The following TRIM37 variants were observed in gnomAD, a reference collection of about 807,000 sequenced individuals.
The protein encoded by TRIM37 is E3 ubiquitin-protein ligase TRIM37.
Under a neutral mutation model 129.8 loss-of-function variants are expected in TRIM37, and 80 were observed. The ratio of observed to expected loss-of-function variants is 0.62; its 90% CI spans 0.51 to 0.74. TRIM37 has a LOEUF of 0.74. Among genes scored for constraint, TRIM37 ranks in the 30% least tolerant of loss-of-function variants. The probability of loss-of-function intolerance (pLI) is 0.00; values close to 1 mark genes in which losing one functional copy is unlikely to be tolerated. For synonymous variants in TRIM37, 389 were observed against 387.1 expected (o/e 1.00, Z -0.06); for missense variants, 1,054 against 1,176.5 (o/e 0.90, Z 1.52).
At chr17:59,091,633 A>G (rs1169322078) in intron 2 of TRIM37, among the ~76,000 whole-genome samples, 2 of 138,570 alleles carry the variant, frequency 1.4e-5, no homozygotes, top group East Asian at 2.0e-4. Context: ...ATAATAATGT[A>G]TAATATATTA....
intron 2 of TRIM37, among the ~76,000 whole-genome samples, chr17:59,103,206 T>G (rs1157792985): frequency 6.6e-6 from 1 of 152,156 alleles, no homozygotes; most frequent in Non-Finnish European, 1.5e-5. Flanking sequence ...GAAGAGCATG[T>G]GACCTCTTTG....
chr17:59,062,681 A>T (rs939940541), intron 10 of TRIM37, 33 bp from the exon 11 acceptor site: 1 of 1,586,128 alleles, frequency 6.3e-7, no homozygotes, highest in Non-Finnish European at 8.7e-7. Context: ...AAATCCCAAG[A>T]TCAAAACTGT....
In TRIM37 at chr17:59,106,647, G is replaced by C; in HGVS notation, c.-186C>G. On this transcript the variant is annotated 5_prime_UTR_variant, in exon 1 of 24. Transcript: ENST00000262294. The stretch of plus-strand genomic sequence containing the variant: ...GTCCAGCGCCGCCTACCCCCATTTC[G>C]CCATTTTTACCGGCGCGCCCGCCCC... 1 of 689,868 alleles carries C rather than the reference G, an allele frequency of 1.4e-6. No individual in the cohort carries two copies. The highest frequency in any genetic ancestry group is 2.8e-5 in the East Asian group (1 of 36,318). 42.7% of individuals were successfully genotyped at this position (689,868 alleles called of 1,614,324 possible).
chr17:58,973,396 G>A, the TRIM37 span, among the ~76,000 whole-genome samples: 1 of 146,414 alleles, frequency 6.8e-6, no homozygotes, highest in Non-Finnish European at 1.5e-5. Context: ...CAGCCTGGGT[G>A]ACAGTGTGAG....
At chr17:59,105,538 T>C (rs2045919608) in intron 1 of TRIM37, among the ~76,000 whole-genome samples, 1 of 152,260 alleles carries the variant, frequency 6.6e-6, no homozygotes, top group Non-Finnish European at 1.5e-5. Flanking sequence ...TTTGTTTTTA[T>C]ATTACTGACA....
At chr17:59,081,964 A>AAAAAAAAAAATAATAAT (rs1568200247) in intron 5 of TRIM37, among the ~76,000 whole-genome samples, 2 of 87,226 alleles carry the variant, frequency 2.3e-5, no homozygotes, top group African/African-American at 1.0e-4. Flanking sequence ...AAAAAAAAAA[A>AAAAAAAAAAATAATAAT]AATAATAATA....
In TRIM37 at chr17:59,015,663, T is replaced by C. The variant is rs2035835036; in HGVS notation, c.2523A>G (p.Ala841=). The C allele has an allele frequency of 6.2e-7, 1 of 1,614,130 alleles. No individual in the cohort carries two copies. The highest frequency in any genetic ancestry group is 1.3e-5 in the African/African-American group (1 of 75,024). The change falls in exon 21 of 24, where the codon GCA becomes GCG. Residue 841 remains alanine (A), a synonymous_variant. Transcript: ENST00000262294. The part of the protein sequence containing the change: ...KALDSDAVVV[A]VFSGLPAVEK... ...CAACCGCAGGCAAGCCACTGAAAAC[T>C]GCAACCACAACAGCATCTGAATCCA...
chr17:59,015,076 CAA>C (rs1005170663), intron 21 of TRIM37, among the ~76,000 whole-genome samples: 4 of 76,144 alleles, frequency 5.3e-5, no homozygotes, highest in Non-Finnish European at 8.2e-5. Context: ...GACTCCATCT[CAA>C]AAAAAAAAAA....
chr17:59,063,215 T>C (rs1312220223), intron 10 of TRIM37, among the ~76,000 whole-genome samples: 3 of 151,966 alleles, frequency 2.0e-5, no homozygotes, highest in African/African-American at 7.2e-5. Flanking sequence ...GTTTTACTCT[T>C]GTTGCCCAGG....
intron 17 of TRIM37, among the ~76,000 whole-genome samples, chr17:59,034,125 C>T (rs978247867): frequency 5.3e-5 from 8 of 151,128 alleles, no homozygotes; most frequent in African/African-American, 1.7e-4. Flanking sequence ...AAAAAGGATA[C>T]GGAGGTGAGA....
In TRIM37 at chr17:59,049,311, T is replaced by A; in HGVS notation, c.1397A>T (p.Asp466Val). ...CTTCTTAGCTCGTGTCTCCAGAGCA[T>A]CATCATTTTGGGGGCTAAGATGGTT... ...PDNHLSPQNDDALETRAKKSA... is the reference protein window; with the variant it reads ...PDNHLSPQNDVALETRAKKSA... Residue 466 changes from aspartate to valine, a missense_variant, in exon 15 of 24, where the codon GAT (aspartate) becomes GTT (valine). Asp to Val is a radical substitution (Grantham distance 152). This residue lies in a region of TRIM37 where 752 missense variants were observed against 870.8 expected (regional missense o/e 0.86). Transcript: ENST00000262294. 7.4e-6 allele frequency: 12 copies of A among 1,614,200 alleles called. No individual in the cohort carries two copies. The highest frequency in any genetic ancestry group is 1.0e-5 in the Non-Finnish European group (12 of 1,180,038).
intron 2 of TRIM37, among the ~76,000 whole-genome samples, chr17:59,100,868 C>A (rs917001217): frequency 6.6e-6 from 1 of 151,954 alleles, no homozygotes; most frequent in East Asian, 1.9e-4. Context: ...ACTAAAAATA[C>A]AAAATTAGTC....
intron 14 of TRIM37, among the ~76,000 whole-genome samples, chr17:59,050,749 G>T (rs951030656): frequency 6.6e-6 from 1 of 152,196 alleles, no homozygotes; most frequent in Non-Finnish European, 1.5e-5. Context: ...GGAGGCCGAG[G>T]TGGGCAGATC....
rs751051009 is a variant in TRIM37 at position 59,012,378 on chromosome 17, C to T, written c.2645G>A (p.Gly882Glu). Residue 882 changes from glycine (G) to glutamate (E), a missense_variant, in exon 22 of 24, where the codon GGA becomes GAA. By Grantham distance (98) the Gly-to-Glu change is moderately conservative (BLOSUM62 -2). This residue lies in a region of TRIM37 where 287 missense variants were observed against 274.3 expected (regional missense o/e 1.05). Transcript: ENST00000262294. ...TTCAGGTAGTACAGGCTGTAACTCT[C>T]CAGTTTCAGAATTATTTTCCAAATC... is the stretch of plus-strand genomic sequence containing the variant. ...MTDLENNSET[G>E]ELQPVLPEGA... 2 of 1,613,146 alleles carry T rather than the reference C, an allele frequency of 1.2e-6. No homozygotes were observed. The highest frequency in any genetic ancestry group is 4.5e-5 in the East Asian group (2 of 44,884).
chr17:59,049,561 T>C (rs1364341847), intron 14 of TRIM37, among the ~76,000 whole-genome samples, 168 bp from the exon 15 acceptor site: 1 of 152,232 alleles, frequency 6.6e-6, no homozygotes, highest in Non-Finnish European at 1.5e-5. Context: ...GGTGCCATCA[T>C]AGCTCACTGC....
At chr17:59,078,669 G>T (rs1284890377) in intron 7 of TRIM37, among the ~76,000 whole-genome samples, 5 of 152,106 alleles carry the variant, frequency 3.3e-5, no homozygotes, top group African/African-American at 9.7e-5. Flanking sequence ...TCACCTATAT[G>T]TATGACTGCA....
At chr17:59,096,155 T>C (rs1422514852) in intron 2 of TRIM37, among the ~76,000 whole-genome samples, 1 of 152,072 alleles carries the variant, frequency 6.6e-6, no homozygotes, top group Non-Finnish European at 1.5e-5. Flanking sequence ...GTAATTATCA[T>C]AAAGATTGTA....
chr17:58,971,087 C>G, the TRIM37 span, among the ~76,000 whole-genome samples: 2 of 152,080 alleles, frequency 1.3e-5, no homozygotes, highest in African/African-American at 4.8e-5. Flanking sequence ...CGCCCCTTTT[C>G]TCCTTCTTAT....
intron 13 of TRIM37, among the ~76,000 whole-genome samples, chr17:59,053,332 G>A (rs1462734810): frequency 1.3e-5 from 2 of 152,110 alleles, no homozygotes; most frequent in Non-Finnish European, 2.9e-5. Flanking sequence ...TGAAATAAAA[G>A]GTTTAAAGTT....
Sources: gnomAD v4.1 joint callset for allele counts (sites outside exome capture counted in the v4.1 genomes callset) on GRCh38, gnomAD v4.1.1 for gene constraint, gnomAD v4.1.1 regional missense constraint, MANE v1.5 for transcripts, NCBI Gene and HGNC (gene_info 2026-07-23, HGNC 2026-07-21) for gene names.